The following PFKFB2 variants were observed in gnomAD, a reference collection of about 807,000 sequenced individuals.
PFKFB2 encodes the protein 6-phosphofructo-2-kinase/fructose-2,6-biphosphatase 2, also known as 6-phosphofructo-2-kinase/fructose-2,6-bisphosphatase 2.
A neutral mutation model predicts 68.0 loss-of-function variants in PFKFB2; 53 were observed. The observed-to-expected ratio is 0.78, with a 90% CI of 0.63 to 0.98. The LOEUF (loss-of-function observed/expected upper bound fraction) is 0.98. Ranked by LOEUF, PFKFB2 falls within the 50% of genes least tolerant of loss-of-function variation. The pLI is 0.00. For missense variants in PFKFB2, 451 were observed against 642.0 expected (o/e 0.70, Z 3.22); for synonymous variants, 222 against 227.6 (o/e 0.98, Z 0.22).
chr1:207,061,896 A>G (rs1572723522), intron 2 of PFKFB2, 57 bp from the exon 3 acceptor site: 2 of 1,514,680 alleles, frequency 1.3e-6, no homozygotes, highest in East Asian at 2.3e-5. Flanking sequence ...AACAAACACC[A>G]AAAAACCTTA....
intron 7 of PFKFB2, among the ~76,000 whole-genome samples, chr1:207,064,184 T>C (rs1683213412): frequency 6.6e-6 from 1 of 152,106 alleles, no homozygotes; most frequent in Non-Finnish European, 1.5e-5. Flanking sequence ...CGGTGGCTCA[T>C]GCTTGTAGGC....
At chr1:207,036,938 A>C (rs184947630) in intron 1 of PFKFB2, among the ~76,000 whole-genome samples, 173 of 152,330 alleles carry the variant, frequency 1.1e-3, no homozygotes, top group African/African-American at 4.1e-3. Flanking sequence ...TAACTTCCGA[A>C]ATGTTGTTGC....
Position 207,063,706 on chromosome 1 carries a change from G to A in PFKFB2, c.451-67G>A. On this transcript the variant is annotated intron_variant, in intron 6 of 14. Transcript: ENST00000367080. This position sits in a 1 kb window ranked among gnomAD's most constrained non-coding sequence, Gnocchi z 4.1. ...TGTGGTGGCTGGGTGGGGTAGATGA[G>A]CATGTGCTCTTAATTAACAGCCTGG... 1 of 1,309,770 alleles carries A rather than the reference G, an allele frequency of 7.6e-7. No homozygotes were observed. Among genetic ancestry groups the A allele is most frequent in the South Asian group, 1.2e-5 (1 of 84,956 alleles). The allele number at this position is 1,309,770 out of a possible 1,614,324, so 81.1% of individuals were successfully genotyped here.
At chr1:207,038,303 T>C (rs1488162193) in intron 1 of PFKFB2, among the ~76,000 whole-genome samples, 1 of 152,234 alleles carries the variant, frequency 6.6e-6, no homozygotes, top group Non-Finnish European at 1.5e-5. Context: ...CCTGCCCTTG[T>C]GGAGTTTACA....
At chr1:207,068,754 T>TTTC (rs1683379332) in intron 10 of PFKFB2, among the ~76,000 whole-genome samples, 1 of 131,778 alleles carries the variant, frequency 7.6e-6, no homozygotes, top group African/African-American at 4.4e-5. Flanking sequence ...TTCTTTCTTT[T>TTTC]TTTTTTTTTG....
At chr1:207,078,862 A>T, downstream of PFKFB2, 1 of 1,026,846 alleles carries the variant, frequency 9.7e-7, no homozygotes, top group South Asian at 1.3e-5. Flanking sequence ...TTGAGGGAGG[A>T]GGGAAGGTAG....
chr1:207,059,233 T>C (rs111495074), intron 2 of PFKFB2, among the ~76,000 whole-genome samples: 83 of 152,306 alleles, frequency 5.4e-4, no homozygotes, highest in African/African-American at 1.9e-3. Context: ...GGTTCCCTGG[T>C]TGCCTTCAGA....
chr1:207,076,880 T>C lies in PFKFB2; in HGVS notation c.*4509T>C, dbSNP rs1403521529. On this transcript the variant is annotated 3_prime_UTR_variant, in exon 15 of 15. Coordinates refer to ENST00000367080, the MANE Select transcript of PFKFB2 (RefSeq NM_006212.2). Reference sequence around the variant, plus strand: ...TCTGCCTGCTTTCTGATTGTATCCATTGAAGTGTATGTACATTATGGTAAT... The same window carrying C: ...TCTGCCTGCTTTCTGATTGTATCCACTGAAGTGTATGTACATTATGGTAAT... The C allele has an allele frequency of 1.0e-6, 1 of 984,864 alleles. No individual in the cohort carries two copies. Among genetic ancestry groups the C allele is most frequent in the African/African-American group, 1.7e-5 (1 of 57,212 alleles). The allele number at this position is 984,864 out of a possible 1,614,324, so 61.0% of individuals were successfully genotyped here. A position where few individuals can be genotyped will look rare whatever the true frequency, so the allele number is the denominator to read the frequency against.
upstream of PFKFB2, among the ~76,000 whole-genome samples, chr1:207,052,583 G>A (rs1481775664): frequency 6.6e-6 from 1 of 152,150 alleles, no homozygotes; most frequent in Non-Finnish European, 1.5e-5. Context: ...GAACACGGGA[G>A]GCAAAAGTTG....
chr1:207,049,510 A>G (rs779894187), upstream of PFKFB2: 5 of 1,614,192 alleles, frequency 3.1e-6, no homozygotes, highest in Non-Finnish European at 3.4e-6. Flanking sequence ...AATTTGTGCT[A>G]TGAGGCGTCT....
rs1012123618 is a variant in PFKFB2 at position 207,072,896 on chromosome 1, G to A, written c.*525G>A. ...TCCCCTCTGGATTGTCCAGTGTAAT[G>A]CATGGCATTGTGGTGTCTGTCTAGG... On this transcript the variant is annotated 3_prime_UTR_variant, in exon 15 of 15. Transcript: ENST00000367080. The A allele has an allele frequency of 1.2e-5, 12 of 986,446 alleles. No individual in the cohort carries two copies. The African/African-American group carries it at 1.9e-4, about 16-fold the overall frequency. 61.1% of individuals were successfully genotyped at this position (986,446 alleles called of 1,614,324 possible).
chr1:207,035,739 T>TGCTA (rs1294975378), intron 1 of PFKFB2, among the ~76,000 whole-genome samples: 2 of 152,042 alleles, frequency 1.3e-5, no homozygotes, highest in South Asian at 4.1e-4. Context: ...ACAGGCATGG[T>TGCTA]GCTAGCATCT....
intron 1 of PFKFB2, among the ~76,000 whole-genome samples, chr1:207,040,923 ATT>A (rs397862660): frequency 0.015 from 1,750 of 117,262 alleles, 22 homozygotes; most frequent in African/African-American, 0.051. Flanking sequence ...TTTAAAACAG[ATT>A]TTTTTTTTTT....
Position 207,065,121 on chromosome 1 carries a change from A to G in PFKFB2, c.593A>G (p.Lys198Arg), listed in dbSNP as rs754007770. 3 of 1,613,888 alleles carry G rather than the reference A, an allele frequency of 1.9e-6. No individual in the cohort carries two copies. The highest frequency in any genetic ancestry group is 1.1e-5 in the South Asian group (1 of 91,080). Residue 198 changes from lysine (K) to arginine (R), a missense_variant, in exon 8 of 15, where the codon AAA (lysine) becomes AGA (arginine). Physicochemically the swap from Lys to Arg is conservative, Grantham distance 26. Coordinates refer to ENST00000367080, the MANE Select transcript of PFKFB2 (RefSeq NM_006212.2). ...TTCCTGAAGAGAATTGAATGCTACA[A>G]AGTTACCTACCGACCTCTTGACCCA... Reference protein sequence around the residue: ...EDFLKRIECYKVTYRPLDPDN... With the variant: ...EDFLKRIECYRVTYRPLDPDN...
chr1:207,079,349 C>G (rs1683707901), downstream of PFKFB2: 1 of 351,640 alleles, frequency 2.8e-6, no homozygotes, highest in Non-Finnish European at 5.3e-6. Context: ...CTGTCTGCAT[C>G]CTTTGCTGGC....
Position 207,076,623 on chromosome 1 carries a change from G to GC in PFKFB2, c.*4252_*4253insC. ...GGAGACTGTCTCTAGTTGGATCTCT[G>GC]TGCTGACTGACTGACAGACAGACTT... On this transcript the variant is annotated 3_prime_UTR_variant, in exon 15 of 15. Coordinates refer to ENST00000367080, the MANE Select transcript of PFKFB2 (RefSeq NM_006212.2). 5.9e-6 allele frequency: 2 copies of GC among 336,210 alleles called. No homozygotes were observed. The highest frequency in any genetic ancestry group is 7.2e-6 in the Non-Finnish European group (2 of 276,800). The allele number at this position is 336,210 out of a possible 1,614,324, so 20.8% of individuals were successfully genotyped here. A position where few individuals can be genotyped will look rare whatever the true frequency, so the allele number is the denominator to read the frequency against.
chr1:207,038,125 A>G (rs1226698193), intron 1 of PFKFB2, among the ~76,000 whole-genome samples: 1 of 152,200 alleles, frequency 6.6e-6, no homozygotes. Context: ...AAATGCTTGA[A>G]TATCCTCCCA....
chr1:207,039,421 T>C (rs1682438666), intron 1 of PFKFB2, among the ~76,000 whole-genome samples: 1 of 152,176 alleles, frequency 6.6e-6, no homozygotes, highest in Admixed American at 6.5e-5. Flanking sequence ...TCTTATTCCA[T>C]AAAAAGGACA....
At chr1:207,060,714 C>G (rs550416611) in intron 2 of PFKFB2, 8 of 152,222 alleles carry the variant, frequency 5.3e-5, no homozygotes, top group Non-Finnish European at 8.8e-5. Context: ...GGTAGAATCT[C>G]CAAGCATTAG....
Sources: allele counts gnomAD v4.1 joint callset (sites outside exome capture counted in the v4.1 genomes callset), GRCh38; gene constraint gnomAD v4.1.1; non-coding constraint Gnocchi (gnomAD v3.1); transcripts MANE v1.5; gene names NCBI Gene and HGNC (gene_info 2026-07-23, HGNC 2026-07-21).